KIF6: variants seen among roughly 807,000 people sequenced by gnomAD.
KIF6 encodes kinesin family member 6, also known as kinesin-like protein KIF6.
In KIF6, 106 loss-of-function variants were observed where a neutral mutation model predicts 112.7. The ratio of observed to expected loss-of-function variants is 0.94; its 90% CI spans 0.80 to 1.11. The LOEUF (loss-of-function observed/expected upper bound fraction) is 1.11, where lower values mean the gene tolerates loss of function less well. KIF6 is among the 50% of genes least tolerant of loss of function. The pLI, the probability that KIF6 is intolerant of heterozygous loss-of-function variation, is 0.00. For missense variants in KIF6, 929 were observed against 964.0 expected (o/e 0.96, Z 0.48); for synonymous variants, 339 against 339.9 (o/e 1.00, Z 0.03).
chr6:39,577,911 A>G, intron 10 of KIF6, 145 bp downstream of exon 10: 1 of 574,604 alleles, frequency 1.7e-6, no homozygotes, highest in East Asian at 2.8e-5. Context: ...GAAAGCCGCC[A>G]CTCTTAACTG....
intron 14 of KIF6, among the ~76,000 whole-genome samples, chr6:39,429,779 G>A (rs1436587369): frequency 1.3e-5 from 2 of 152,004 alleles, no homozygotes; most frequent in East Asian, 1.9e-4. Context: ...GTGGTGGCGG[G>A]TGCCTGTAGT....
chr6:39,418,903 G>A (rs1289309424), intron 15 of KIF6, among the ~76,000 whole-genome samples: 2 of 152,176 alleles, frequency 1.3e-5, no homozygotes, highest in Non-Finnish European at 1.5e-5. Context: ...TAGTAAGAGA[G>A]ACCCAGCGGG....
intron 3 of KIF6, chr6:39,691,819 C>T (rs1335185260): frequency 6.6e-6 from 1 of 152,164 alleles, no homozygotes; most frequent in Non-Finnish European, 1.5e-5. Context: ...TCCTGAAGAC[C>T]TTGGGAACTG....
chr6:39,432,699 C>T (rs953519353), intron 13 of KIF6, among the ~76,000 whole-genome samples: 5 of 152,196 alleles, frequency 3.3e-5, no homozygotes, highest in African/African-American at 1.2e-4. Context: ...GCATGAGAGA[C>T]ATTGAGGGGC....
chr6:39,617,922 C>A (rs1443302840), intron 5 of KIF6, among the ~76,000 whole-genome samples: 1 of 152,182 alleles, frequency 6.6e-6, no homozygotes, highest in Non-Finnish European at 1.5e-5. Flanking sequence ...TTTGTCAGTT[C>A]TCAATATCCT....
chr6:39,648,530 A>C (rs1227197870), intron 3 of KIF6, among the ~76,000 whole-genome samples: 3 of 152,240 alleles, frequency 2.0e-5, no homozygotes, highest in African/African-American at 4.8e-5. Context: ...CAAGGATCTC[A>C]AGCTGGCAGT....
At chr6:39,387,116 C>T (rs1436880968) in intron 15 of KIF6, among the ~76,000 whole-genome samples, 1 of 152,126 alleles carries the variant, frequency 6.6e-6, no homozygotes, top group African/African-American at 2.4e-5. Flanking sequence ...TTAGGAATCC[C>T]TTCTACAGAA....
intron 6 of KIF6, among the ~76,000 whole-genome samples, chr6:39,603,243 A>G (rs1279735238): frequency 6.6e-6 from 1 of 152,094 alleles, no homozygotes; most frequent in Non-Finnish European, 1.5e-5. Flanking sequence ...CAAAATGTTC[A>G]TATAGAAGGG....
intron 6 of KIF6, among the ~76,000 whole-genome samples, chr6:39,604,837 A>G (rs1229963457): frequency 6.6e-6 from 1 of 152,094 alleles, no homozygotes; most frequent in African/African-American, 2.4e-5. Context: ...TGACTTTTAC[A>G]TCCTCAAAGA....
At chr6:39,628,341 A>G (rs981379565) in intron 5 of KIF6, among the ~76,000 whole-genome samples, 2 of 151,930 alleles carry the variant, frequency 1.3e-5, no homozygotes, top group South Asian at 4.1e-4. Flanking sequence ...TACATTTAAT[A>G]TTTAATTATA....
chr6:39,538,366 A>C (rs1257146353), intron 13 of KIF6, among the ~76,000 whole-genome samples: 1 of 151,934 alleles, frequency 6.6e-6, no homozygotes, highest in Non-Finnish European at 1.5e-5. Context: ...AAACAAATTT[A>C]CAAGAAAAAA....
At chr6:39,698,478 G>A (rs2113828191) in intron 3 of KIF6, among the ~76,000 whole-genome samples, 1 of 152,328 alleles carries the variant, frequency 6.6e-6, no homozygotes, top group South Asian at 2.1e-4. Flanking sequence ...TCTAGTGCTT[G>A]AGAGTGAATA....
chr6:39,545,543 G>T, intron 11 of KIF6, 40 bp downstream of exon 11: 1 of 1,473,044 alleles, frequency 6.8e-7, no homozygotes, highest in Non-Finnish European at 9.5e-7. Flanking sequence ...GCTTGAACAT[G>T]GCTGAAAATG....
In KIF6 at chr6:39,480,961, A is replaced by C. The variant is rs142488327; in HGVS notation, c.1646-49800T>G. Among the ~76,000 whole-genome samples the C allele has an allele frequency of 3.1e-3, 475 of 152,056 alleles. 2 individuals carry two copies. The highest frequency in any genetic ancestry group is 4.5e-3 in the Non-Finnish European group (308 of 67,954). On this transcript the variant is annotated intron_variant, in intron 13 of 22. Coordinates refer to ENST00000287152, the MANE Select transcript of KIF6 (RefSeq NM_145027.6). ...ATATTTTCTCTTCTTTTCTTGGTTA[A>C]TCTTGCAAATGGACTATCAATTTTA...
Position 39,502,361 on chromosome 6 carries a change from C to T in KIF6, c.1645+37642G>A, listed in dbSNP as rs568014003. Among the ~76,000 whole-genome samples, 60 of 152,028 alleles carry T rather than the reference C, an allele frequency of 3.9e-4. 1 individual carries two copies. The highest frequency in any genetic ancestry group is 4.4e-5 in the Non-Finnish European group (3 of 67,982). On this transcript the variant is annotated intron_variant, in intron 13 of 22. Coordinates refer to ENST00000287152, the MANE Select transcript of KIF6 (RefSeq NM_145027.6). ...AGCACTAAATATGGAAAGGAAAAAC[C>T]ATTACCAGCCACTAAAAAAAACACA...
rs72858451 is a variant in KIF6 at position 39,331,348 on chromosome 6, T to G, written c.*5184A>C. On this transcript the variant is annotated 3_prime_UTR_variant, in exon 23 of 23. Coordinates refer to ENST00000287152, the MANE Select transcript of KIF6 (RefSeq NM_145027.6). The stretch of plus-strand genomic sequence containing the variant: ...TGCCCAGCTAACCCCAACTCCTTCT[T>G]AATCAGATTGTCTTGCTTACTTGTT... The G allele has an allele frequency of 0.09, 13,648 of 151,812 alleles. 842 individuals are homozygous for G. Among genetic ancestry groups the G allele is most frequent in the African/African-American group, 0.17 (7,002 of 41,342 alleles). 9.4% of individuals were successfully genotyped at this position (151,812 alleles called of 1,614,324 possible).
intron 3 of KIF6, among the ~76,000 whole-genome samples, chr6:39,707,368 C>T (rs951680595): frequency 6.6e-6 from 1 of 152,194 alleles, no homozygotes; most frequent in African/African-American, 2.4e-5. Context: ...TGCCAGTCCC[C>T]TGGCCCTCTT....
At chr6:39,446,251 G>C (rs4236064) in intron 13 of KIF6, among the ~76,000 whole-genome samples, 1 of 151,998 alleles carries the variant, frequency 6.6e-6, no homozygotes, top group East Asian at 1.9e-4. Context: ...TGAGGAGTTA[G>C]GAGTGGGCAG....
chr6:39,376,382 G>A (rs1195049220), intron 16 of KIF6, among the ~76,000 whole-genome samples: 7 of 152,204 alleles, frequency 4.6e-5, no homozygotes, highest in Admixed American at 4.6e-4. Flanking sequence ...GGGCTGTGGA[G>A]TGCTAGAGAT....
Sources: allele counts gnomAD v4.1 joint callset (sites outside exome capture counted in the v4.1 genomes callset), GRCh38; gene constraint gnomAD v4.1.1; transcripts MANE v1.5; gene names NCBI Gene and HGNC (gene_info 2026-07-23, HGNC 2026-07-21).